FRMPD4: variants seen among roughly 807,000 people sequenced by gnomAD.
FRMPD4 encodes FERM and PDZ domain containing 4.
In FRMPD4, 22 loss-of-function variants were observed where a neutral mutation model predicts 94.1. The ratio of observed to expected loss-of-function variants is 0.23; its 90% confidence interval spans 0.17 to 0.33. The LOEUF (loss-of-function observed/expected upper bound fraction) is 0.33, where lower values mean the gene tolerates loss of function less well. Among genes scored for constraint, FRMPD4 ranks in the 10% least tolerant of loss-of-function variants. The pLI is 1.00. For synonymous variants in FRMPD4, 631 were observed against 548.6 expected (o/e 1.15, Z -2.10); for missense variants, 1,111 against 1,339.9 (o/e 0.83, Z 2.67).
intron 1 of FRMPD4, among the ~76,000 whole-genome samples, chrX:11,861,936 G>A (rs1490078270): frequency 9.0e-6 from 1 of 111,628 alleles, no homozygotes; most frequent in African/African-American, 3.3e-5. Flanking sequence ...CTTGGCTTCT[G>A]GGGAGGCCTC....
intron 1 of FRMPD4, among the ~76,000 whole-genome samples, chrX:12,420,070 C>A (rs1420135117): frequency 8.9e-6 from 1 of 111,778 alleles, no homozygotes; most frequent in Non-Finnish European, 1.9e-5. Context: ...ATTCCACCAG[C>A]ACCTATAATT....
rs779376704 is a variant in FRMPD4, at chrX:12,711,999, G to A, written c.1609+1462G>A. ...GGGAAGCTAGAAACAAGGAGCAATG[G>A]ATAAAGCATGTTAGAAGGCAACACC... On this transcript the variant is annotated intron_variant, in intron 14 of 16. Coordinates refer to ENST00000675598, the MANE Select transcript of FRMPD4 (RefSeq NM_001368397.1). Among the ~76,000 whole-genome samples the A allele has an allele frequency of 3.6e-5, 4 of 111,438 alleles. No homozygotes were observed. The South Asian group carries it at 1.5e-3, about 43-fold the overall frequency.
At chrX:11,986,504 G>A (rs1402781595) in intron 3 of FRMPD4, among the ~76,000 whole-genome samples, 1 of 111,521 alleles carries the variant, frequency 9.0e-6, no homozygotes, top group Admixed American at 9.5e-5. Flanking sequence ...ACCTAGTGAT[G>A]CATCTTAAGG....
At chrX:12,055,478 C>G (rs1330660086) in intron 3 of FRMPD4, among the ~76,000 whole-genome samples, 2 of 111,842 alleles carry the variant, frequency 1.8e-5, no homozygotes, top group East Asian at 5.6e-4. Context: ...ACACCTGCTC[C>G]CCCTTTGCCT....
chrX:12,238,260 G>A (rs2057092546), intron 1 of FRMPD4, among the ~76,000 whole-genome samples: 1 of 111,328 alleles, frequency 9.0e-6, no homozygotes, highest in African/African-American at 3.3e-5. Flanking sequence ...GAGTAGCTGG[G>A]ATTACATGCA....
rs1042531206 is a variant in FRMPD4 at position 12,452,717 on chromosome X, A to G, written c.42-45963A>G. Among the ~76,000 whole-genome samples the G allele has an allele frequency of 4.4e-5, 5 of 112,408 alleles. No individual in the cohort carries two copies. The Admixed American group carries it at 4.7e-4, about 11-fold the overall frequency. On this transcript the variant is annotated intron_variant, in intron 1 of 16. Coordinates refer to ENST00000675598, the MANE Select transcript of FRMPD4 (RefSeq NM_001368397.1). The stretch of plus-strand genomic sequence containing the variant: ...TCATAACATGTTATGTCCTCTCATA[A>G]ATGTTGAAACAGGTCCATGATTCAG...
chrX:11,999,576 A>G (rs2054513635), intron 3 of FRMPD4, among the ~76,000 whole-genome samples: 1 of 112,332 alleles, frequency 8.9e-6, no homozygotes, highest in Non-Finnish European at 1.9e-5. Flanking sequence ...ACGTTAAAGC[A>G]TGTTTGAAAC....
chrX:12,560,741 T>C (rs2058647577), intron 2 of FRMPD4, among the ~76,000 whole-genome samples: 1 of 72,813 alleles, frequency 1.4e-5, no homozygotes. Flanking sequence ...CCTCCCCTCA[T>C]CTTTTTTTTT....
At chrX:12,699,991 G>A (rs1373390486) in intron 9 of FRMPD4, among the ~76,000 whole-genome samples, 1 of 112,000 alleles carries the variant, frequency 8.9e-6, no homozygotes, top group Non-Finnish European at 1.9e-5. Context: ...TGGAATGGGA[G>A]TCTTATGACC....
At chrX:11,872,096 G>A (rs2053759013) in intron 2 of FRMPD4, among the ~76,000 whole-genome samples, 3 of 112,319 alleles carry the variant, frequency 2.7e-5, no homozygotes, top group Admixed American at 9.4e-5. Context: ...AAAATGCACA[G>A]AGCCTTTTTG....
intron 4 of FRMPD4, among the ~76,000 whole-genome samples, chrX:12,664,665 T>C (rs954324256): frequency 8.9e-6 from 1 of 112,047 alleles, no homozygotes; most frequent in Non-Finnish European, 1.9e-5. Context: ...TGAAATTCTC[T>C]TCTTTTGTTG....
intron 3 of FRMPD4, among the ~76,000 whole-genome samples, chrX:12,062,212 T>C (rs2054890943): frequency 8.9e-6 from 1 of 112,016 alleles, no homozygotes; most frequent in Admixed American, 9.5e-5. Flanking sequence ...GGAAACATTC[T>C]GGGAAACATT....
At chrX:12,083,727 A>G in intron 3 of FRMPD4, among the ~76,000 whole-genome samples, 2 of 112,803 alleles carry the variant, frequency 1.8e-5, no homozygotes, top group Middle Eastern at 4.6e-3. Context: ...CACCTCTTGC[A>G]TCTGAATGAC....
intron 3 of FRMPD4, among the ~76,000 whole-genome samples, chrX:11,928,860 T>C (rs746707990): frequency 2.0e-4 from 23 of 112,543 alleles, no homozygotes; most frequent in African/African-American, 7.1e-4. Context: ...GGAATAAACC[T>C]AAACGCCCAT....
At chrX:11,904,692 T>A (rs181165646) in intron 3 of FRMPD4, among the ~76,000 whole-genome samples, 87 of 112,148 alleles carry the variant, frequency 7.8e-4, no homozygotes, top group Non-Finnish European at 1.6e-3. Context: ...CTTTTAAGAA[T>A]ATCAGCAATT....
intron 1 of FRMPD4, among the ~76,000 whole-genome samples, chrX:12,326,188 T>C (rs1283237723): frequency 1.8e-5 from 2 of 111,830 alleles, no homozygotes; most frequent in African/African-American, 6.5e-5. Flanking sequence ...CTAATGCTAC[T>C]CAGTTTTGTA....
At chrX:11,827,908 T>G (rs989182665) in intron 1 of FRMPD4, among the ~76,000 whole-genome samples, 7 of 112,074 alleles carry the variant, frequency 6.2e-5, no homozygotes, top group African/African-American at 1.9e-4. Flanking sequence ...GTTGTTCTGA[T>G]GGCAACATGA....
chrX:12,720,468 T>C (rs12557959), intron 16 of FRMPD4, 66 bp from the exon 17 acceptor site: 199,048 of 1,079,015 alleles, frequency 0.18, 13,199 homozygotes, highest in South Asian at 0.31. Flanking sequence ...TGTAGAGATG[T>C]AGTAAAAATG....
At chrX:12,628,561 A>C (rs1040189148) in intron 4 of FRMPD4, among the ~76,000 whole-genome samples, 1 of 112,560 alleles carries the variant, frequency 8.9e-6, no homozygotes, top group Non-Finnish European at 1.9e-5. Flanking sequence ...TCACCTTCCC[A>C]GGGTTCTGAC....
Sources: gnomAD v4.1 joint callset for allele counts (sites outside exome capture counted in the v4.1 genomes callset) on GRCh38, gnomAD v4.1.1 for gene constraint, MANE v1.5 for transcripts, NCBI Gene and HGNC (gene_info 2026-07-23, HGNC 2026-07-21) for gene names.